MYT1L: variants seen among roughly 807,000 people sequenced by gnomAD.
MYT1L encodes the protein myelin transcription factor 1 like.
A neutral mutation model predicts 126.7 loss-of-function variants in MYT1L; 12 were observed. The ratio of observed to expected loss-of-function variants is 0.09; its 90% CI spans 0.06 to 0.15. The LOEUF (loss-of-function observed/expected upper bound fraction) is 0.15. Ranked by LOEUF, MYT1L falls within the 10% of genes least tolerant of loss-of-function variation. MYT1L has a pLI of 1.00. For synonymous variants in MYT1L, 541 were observed against 604.2 expected, an observed-to-expected ratio of 0.90 and a Z score of 1.53; for missense variants, 979 against 1,585.2, an observed-to-expected ratio of 0.62 and a Z score of 6.49.
intron 2 of MYT1L, among the ~76,000 whole-genome samples, chr2:2,250,766 TA>T (rs2094626112): frequency 6.6e-6 from 1 of 152,130 alleles, no homozygotes; most frequent in Non-Finnish European, 1.5e-5. Flanking sequence ...ATATCTCTTG[TA>T]CATCATAAAT....
At chr2:2,207,636 A>G (rs1451807156) in intron 2 of MYT1L, among the ~76,000 whole-genome samples, 1 of 152,096 alleles carries the variant, frequency 6.6e-6, no homozygotes, top group East Asian at 1.9e-4. Flanking sequence ...CTGATAACTA[A>G]CTGTTGACAA....
At chr2:2,155,672 A>G (rs1221271725) in intron 3 of MYT1L, among the ~76,000 whole-genome samples, 1 of 152,214 alleles carries the variant, frequency 6.6e-6, no homozygotes, top group Non-Finnish European at 1.5e-5. Context: ...GGGATGCCCC[A>G]GACACAAGGT....
intron 4 of MYT1L, among the ~76,000 whole-genome samples, chr2:2,008,553 G>T (rs933053877): frequency 6.6e-6 from 1 of 152,106 alleles, no homozygotes; most frequent in Non-Finnish European, 1.5e-5. Flanking sequence ...CTGTTGATTT[G>T]TAAGAGTTAT....
chr2:1,800,601 A>T (rs1377359680), intron 23 of MYT1L, among the ~76,000 whole-genome samples: 1 of 152,176 alleles, frequency 6.6e-6, no homozygotes, highest in Non-Finnish European at 1.5e-5. Context: ...AACTGTGTCC[A>T]GTGGGTAGAA....
At chr2:2,295,563 GAC>G (rs1215536878) in intron 1 of MYT1L, among the ~76,000 whole-genome samples, 3 of 101,690 alleles carry the variant, frequency 3.0e-5, no homozygotes, top group South Asian at 3.6e-4. Context: ...GAGACAGACA[GAC>G]AGAGAGAGAG....
intron 15 of MYT1L, among the ~76,000 whole-genome samples, chr2:1,891,723 C>G (rs1291450825): frequency 2.6e-5 from 4 of 152,188 alleles, no homozygotes; most frequent in Non-Finnish European, 5.9e-5. Flanking sequence ...CTGGAGACCA[C>G]AGGAGGCCCA....
intron 3 of MYT1L, among the ~76,000 whole-genome samples, chr2:2,104,606 T>A (rs568122170): frequency 6.6e-6 from 1 of 152,366 alleles, no homozygotes; most frequent in South Asian, 2.1e-4. Context: ...CTGACCTTTA[T>A]GGTCTCTGCG....
intron 2 of MYT1L, among the ~76,000 whole-genome samples, chr2:2,193,864 C>T (rs1324401945): frequency 6.6e-6 from 1 of 152,014 alleles, no homozygotes; most frequent in African/African-American, 2.4e-5. Flanking sequence ...GGAGAAATTT[C>T]TTGAATATGA....
At position 1,791,176 on chromosome 2, in the gene MYT1L, CTT is replaced by C. The variant is rs2032018389; in HGVS notation, c.*689_*690del. 1 of 464,254 alleles carries C rather than the reference CTT, an allele frequency of 2.2e-6. No individual in the cohort carries two copies. Among genetic ancestry groups the C allele is most frequent in the Non-Finnish European group, 4.4e-6 (1 of 225,638 alleles). The allele number at this position is 464,254 out of a possible 1,614,324, so 28.8% of individuals were successfully genotyped here. On this transcript the variant is annotated 3_prime_UTR_variant, in exon 25 of 25. Transcript: ENST00000647738. The surrounding 1 kb of genome is among the most constrained non-coding windows in gnomAD (Gnocchi z 6.0). ...CTTGATGTTGTCTTACAATAAATTA[CTT>C]ATTTCATTTCTTACAGTTAATCCAT...
chr2:2,131,733 G>C (rs1188006143), intron 3 of MYT1L, among the ~76,000 whole-genome samples: 4 of 152,008 alleles, frequency 2.6e-5, no homozygotes. Context: ...TAACCGTGAG[G>C]TTTTGGTGCT....
intron 2 of MYT1L, among the ~76,000 whole-genome samples, chr2:2,234,211 A>G (rs2094227760): frequency 6.6e-6 from 1 of 152,236 alleles, no homozygotes; most frequent in African/African-American, 2.4e-5. Context: ...TAAAATTCAT[A>G]CATGTTGCCC....
At chr2:1,846,670 G>T (rs2148472138) in intron 19 of MYT1L, among the ~76,000 whole-genome samples, 1 of 152,300 alleles carries the variant, frequency 6.6e-6, no homozygotes, top group Non-Finnish European at 1.5e-5. Context: ...GCTAGGGTGG[G>T]TGTCCGGCCC....
chr2:2,281,968 C>G (rs1311624453), intron 2 of MYT1L, among the ~76,000 whole-genome samples: 1 of 152,132 alleles, frequency 6.6e-6, no homozygotes, highest in Non-Finnish European at 1.5e-5. Context: ...TGCACTCTGG[C>G]GTTTAGTATA....
At position 1,981,512 on chromosome 2, in the gene MYT1L, G is replaced by T. The variant is rs1415592100; in HGVS notation, c.1-1735C>A. On this transcript the variant is annotated intron_variant, in intron 5 of 24. Coordinates refer to ENST00000647738, the MANE Select transcript of MYT1L (RefSeq NM_001303052.2). ...ATTGAGTGAATGAATGAATGAATGAGTCCATTTGCTGGGAATGCTGCAGGT... is the reference window on the plus strand; with the variant it reads ...ATTGAGTGAATGAATGAATGAATGATTCCATTTGCTGGGAATGCTGCAGGT... Among the ~76,000 whole-genome samples, 5 of 152,196 alleles carry T rather than the reference G, an allele frequency of 3.3e-5. No homozygotes were observed. The East Asian group carries it at 9.6e-4, about 29-fold the overall frequency.
At chr2:2,201,697 CAA>C (rs34259469) in intron 2 of MYT1L, among the ~76,000 whole-genome samples, 30,065 of 130,636 alleles carry the variant, frequency 0.23, 3,629 homozygotes, top group African/African-American at 0.39. Flanking sequence ...GACTCTGCCT[CAA>C]AAAAAAAAAA....
Position 1,852,434 on chromosome 2 carries a change from C to A in MYT1L, c.2712-731G>T, listed in dbSNP as rs1375023136. Among the ~76,000 whole-genome samples, 1 of 152,148 alleles carries A rather than the reference C, an allele frequency of 6.6e-6. No individual in the cohort carries two copies. The highest frequency in any genetic ancestry group is 1.9e-4 in the East Asian group (1 of 5,186). ...CATCTGCTGAAGCCTACCGAGGCAA[C>A]CCCATCCCGTTTCTTAATTAAGGTC... On this transcript the variant is annotated intron_variant, in intron 18 of 24. Transcript: ENST00000647738. The surrounding 1 kb of genome is among the most constrained non-coding windows in gnomAD (Gnocchi z 4.0).
chr2:2,007,069 C>T (rs1379874745), intron 4 of MYT1L, among the ~76,000 whole-genome samples: 2 of 151,720 alleles, frequency 1.3e-5, no homozygotes, highest in Non-Finnish European at 2.9e-5. Context: ...ATATATCCCC[C>T]ACATTTTTGC....
intron 3 of MYT1L, among the ~76,000 whole-genome samples, chr2:2,070,128 T>A (rs1271002602): frequency 6.6e-6 from 1 of 152,082 alleles, no homozygotes; most frequent in African/African-American, 2.4e-5. Context: ...TAGCTGATCC[T>A]TTTTTGCTGT....
chr2:2,122,838 T>C (rs2081209499), intron 3 of MYT1L, among the ~76,000 whole-genome samples: 1 of 67,850 alleles, frequency 1.5e-5, no homozygotes, highest in Admixed American at 1.4e-4. Context: ...AGGATAGGAA[T>C]GTGTGTGTGT....
Sources: allele counts gnomAD v4.1 joint callset (sites outside exome capture counted in the v4.1 genomes callset), GRCh38; gene constraint gnomAD v4.1.1; non-coding constraint Gnocchi (gnomAD v3.1); transcripts MANE v1.5; gene names NCBI Gene and HGNC (gene_info 2026-07-23, HGNC 2026-07-21).